ANO1: variants seen among roughly 807,000 people sequenced by gnomAD.
The protein encoded by ANO1 is anoctamin-1.
In ANO1, 59 loss-of-function variants were observed where a neutral mutation model predicts 124.0. The observed-to-expected ratio is 0.48, with a 90% CI of 0.39 to 0.59. ANO1 has a LOEUF of 0.59. Among genes scored for constraint, ANO1 ranks in the 20% least tolerant of loss-of-function variants. The pLI is 0.00. For missense variants in ANO1, 1,059 were observed against 1,328.0 expected (o/e 0.80, Z 3.15); for synonymous variants, 529 against 532.0 (o/e 0.99, Z 0.08).
At chr11:70,014,530 C>T (rs1856665491) in intron 1 of ANO1, among the ~76,000 whole-genome samples, 1 of 152,162 alleles carries the variant, frequency 6.6e-6, no homozygotes, top group African/African-American at 2.4e-5. Context: ...GAGTCCACCA[C>T]ACGTGGCCTG....
In ANO1 at chr11:70,148,925, A is replaced by G. The variant is rs538558246; in HGVS notation, c.1259-785A>G. The stretch of plus-strand genomic sequence containing the variant: ...CCGAGAGGAGCTGGGTTTTTCTCAC[A>G]TTGAGGGGGATGATCTGTGGCTTCC... On this transcript the variant is annotated intron_variant, in intron 11 of 25. Transcript: ENST00000355303. 7.2e-5 allele frequency among the ~76,000 whole-genome samples: 11 copies of G among 152,276 alleles called. No individual in the cohort carries two copies. The East Asian group carries it at 2.1e-3, about 29-fold the overall frequency.
intron 1 of ANO1, among the ~76,000 whole-genome samples, chr11:70,049,677 A>C (rs888168170): frequency 6.7e-6 from 1 of 150,190 alleles, no homozygotes; most frequent in Non-Finnish European, 1.5e-5. Flanking sequence ...ATGAATCTAC[A>C]TGCGGTCTAT....
intron 1 of ANO1, among the ~76,000 whole-genome samples, chr11:70,033,831 C>T (rs1261259504): frequency 6.6e-6 from 1 of 152,130 alleles, no homozygotes; most frequent in African/African-American, 2.4e-5. Flanking sequence ...AATACAGGTT[C>T]GCTTCGTGGG....
intron 1 of ANO1, among the ~76,000 whole-genome samples, chr11:70,020,700 T>C (rs2007732): frequency 0.77 from 117,284 of 152,106 alleles, 45,536 homozygotes; most frequent in East Asian, 0.94. Flanking sequence ...TGGGATGACA[T>C]GGGTTCCCCA....
At chr11:69,978,499 C>T in the ANO1 span, among the ~76,000 whole-genome samples, 8 of 152,220 alleles carry the variant, frequency 5.3e-5, no homozygotes, top group Non-Finnish European at 7.4e-5. Context: ...TACAGGTGTG[C>T]GCCAACACAC....
chr11:70,066,251 AG>A lies in ANO1; in HGVS notation c.59-12286del, dbSNP rs577686604. 9.3e-4 allele frequency among the ~76,000 whole-genome samples: 142 copies of A among 152,344 alleles called. 4 individuals carry two copies. The Middle Eastern group carries it at 0.01, about 11-fold the overall frequency. On this transcript the variant is annotated intron_variant, in intron 1 of 27. Transcript: ENST00000531349. Reference sequence around the variant, plus strand: ...GTGATAATAAACAGTGATTACAAGCAGGGGGTCAGATGCCGAGCTGCCCTCG... The same window carrying A: ...GTGATAATAAACAGTGATTACAAGCAGGGGTCAGATGCCGAGCTGCCCTCG...
intron 1 of ANO1, among the ~76,000 whole-genome samples, chr11:70,061,471 C>T (rs1355433987): frequency 6.7e-6 from 1 of 150,284 alleles, no homozygotes; most frequent in Non-Finnish European, 1.5e-5. Context: ...TCTCTCTCTC[C>T]CCACCTCCCC....
intron 11 of ANO1, among the ~76,000 whole-genome samples, chr11:70,144,990 G>C (rs1364249452): frequency 1.3e-5 from 2 of 152,212 alleles, no homozygotes; most frequent in African/African-American, 2.4e-5. Flanking sequence ...CAGCAGCTGG[G>C]TATTATACAA....
chr11:69,984,296 T>C (rs1554996592), upstream of ANO1, among the ~76,000 whole-genome samples: 1 of 151,666 alleles, frequency 6.6e-6, no homozygotes, highest in Non-Finnish European at 1.5e-5. Flanking sequence ...CGGGGCTTCT[T>C]GGCATGCTCT....
At chr11:69,975,025 G>A in the ANO1 span, among the ~76,000 whole-genome samples, 2 of 152,202 alleles carry the variant, frequency 1.3e-5, no homozygotes, top group Non-Finnish European at 2.9e-5. Flanking sequence ...CCTGGGAGGG[G>A]CTGGAGCTGG....
chr11:70,058,250 G>T (rs1857486366), intron 1 of ANO1, among the ~76,000 whole-genome samples: 1 of 152,158 alleles, frequency 6.6e-6, no homozygotes, highest in South Asian at 2.1e-4. Flanking sequence ...GCCCAAGGGG[G>T]TTCAGCATAA....
chr11:70,083,063 T>G (rs920429547), intron 1 of ANO1, among the ~76,000 whole-genome samples: 2 of 152,174 alleles, frequency 1.3e-5, no homozygotes, highest in African/African-American at 2.4e-5. Context: ...CCAGCTCCTT[T>G]TGTAACTTTT....
At chr11:69,991,200 C>T (rs567034323) in intron 1 of ANO1, among the ~76,000 whole-genome samples, 51 of 152,310 alleles carry the variant, frequency 3.3e-4, no homozygotes, top group African/African-American at 1.2e-3. Flanking sequence ...TGTTTCAGCA[C>T]AATTTGTTGA....
intron 1 of ANO1, among the ~76,000 whole-genome samples, chr11:70,052,019 C>T (rs570162420): frequency 2.6e-5 from 4 of 152,272 alleles, no homozygotes; most frequent in Admixed American, 2.6e-4. Context: ...TATGGTTGGC[C>T]TTTTTGCATC....
At chr11:70,119,691 G>C (rs2046171085) in intron 8 of ANO1, among the ~76,000 whole-genome samples, 1 of 151,774 alleles carries the variant, frequency 6.6e-6, no homozygotes, top group Non-Finnish European at 1.5e-5. Context: ...ATGGGTGGAG[G>C]GGTGGGTGAA....
chr11:70,069,577 G>A (rs562182137), intron 1 of ANO1, among the ~76,000 whole-genome samples: 65 of 152,050 alleles, frequency 4.3e-4, no homozygotes, highest in African/African-American at 1.5e-3. Context: ...GATTTCAGAC[G>A]TAATCGTTCA....
chr11:70,099,281 C>T (rs76862636), intron 2 of ANO1, among the ~76,000 whole-genome samples: 1,932 of 152,244 alleles, frequency 0.013, 40 homozygotes, highest in African/African-American at 0.043. Context: ...TTTAAAACAT[C>T]CCACATGTGT....
upstream of ANO1, among the ~76,000 whole-genome samples, chr11:70,077,173 T>C (rs569033213): frequency 6.6e-6 from 1 of 152,356 alleles, no homozygotes; most frequent in East Asian, 1.9e-4. Context: ...CCAGTGGCCA[T>C]TTAACAAGCA....
Position 70,185,009 on chromosome 11 carries a change from G to C in ANO1, c.2589-581G>C, listed in dbSNP as rs113006778. ...ATTACAGTGCTGAGGTTACAGGCAC[G>C]AGCCACCACACCTGGCTAATAAAGT... is the stretch of plus-strand genomic sequence containing the variant. On this transcript the variant is annotated intron_variant, in intron 24 of 25. Transcript: ENST00000355303. Among the ~76,000 whole-genome samples the C allele has an allele frequency of 2.6e-5, 4 of 152,256 alleles. No homozygotes were observed. The Middle Eastern group carries it at 0.01, about 388-fold the overall frequency.
Sources: allele counts gnomAD v4.1 joint callset (sites outside exome capture counted in the v4.1 genomes callset), GRCh38; gene constraint gnomAD v4.1.1; transcripts MANE v1.5; gene names NCBI Gene and HGNC (gene_info 2026-07-23, HGNC 2026-07-21).